Variants in SGMS1 observed in about 807,000 individuals in gnomAD.
The protein encoded by SGMS1 is phosphatidylcholine:ceramide cholinephosphotransferase 1.
SGMS1 carries 13 observed loss-of-function variants against 46.2 expected under a neutral mutation model. That is an observed-to-expected ratio of 0.28 (90% confidence interval 0.18 to 0.45). The LOEUF (loss-of-function observed/expected upper bound fraction) is 0.45. SGMS1 is among the 20% of genes least tolerant of loss of function. The pLI is 1.00. For synonymous variants in SGMS1, 203 were observed against 187.8 expected (o/e 1.08, Z -0.66); for missense variants, 324 against 519.9 (o/e 0.62, Z 3.66).
intron 6 of SGMS1, among the ~76,000 whole-genome samples, chr10:50,391,566 G>C (rs1848767553): frequency 6.6e-6 from 1 of 152,156 alleles, no homozygotes; most frequent in Non-Finnish European, 1.5e-5. Context: ...CACACCGCTG[G>C]TGGGAATGTA....
At chr10:50,335,071 A>G (rs1056769572) in intron 7 of SGMS1, 17 of 152,406 alleles carry the variant, frequency 1.1e-4, no homozygotes, top group African/African-American at 1.9e-4. Flanking sequence ...TTAATGCCAT[A>G]TGAGGTGGAA....
At position 50,511,872 on chromosome 10, in the gene SGMS1, T is replaced by C. The variant is rs566007312; in HGVS notation, c.-498+7959A>G. On this transcript the variant is annotated intron_variant, in intron 3 of 10. Transcript: ENST00000361781. Reference sequence around the variant, plus strand: ...CCCTTCTAACCTGTACATAATTTTGTCATTAATCTCTAATGCTATTTGTCC... The same window carrying C: ...CCCTTCTAACCTGTACATAATTTTGCCATTAATCTCTAATGCTATTTGTCC... Among the ~76,000 whole-genome samples the C allele has an allele frequency of 1.1e-4, 16 of 152,320 alleles. No individual in the cohort carries two copies. The South Asian group carries it at 3.1e-3, about 30-fold the overall frequency.
In SGMS1 at chr10:50,307,039, T is replaced by C. The variant is rs1394157755; in HGVS notation, c.*103A>G. 3.8e-5 allele frequency: 44 copies of C among 1,161,908 alleles called. No individual in the cohort carries two copies. In the East Asian group the frequency reaches 7.6e-4, roughly 20 times the overall value. 72.0% of individuals were successfully genotyped at this position (1,161,908 alleles called of 1,614,324 possible). Reference sequence around the variant, plus strand: ...TCAATAGGTTAAGTCAAGGTAACCATTGAAAGATAATAGGATTAGGGAGGT... The same window carrying C: ...TCAATAGGTTAAGTCAAGGTAACCACTGAAAGATAATAGGATTAGGGAGGT... On this transcript the variant is annotated 3_prime_UTR_variant, in exon 11 of 11. Coordinates refer to ENST00000361781, the MANE Select transcript of SGMS1 (RefSeq NM_147156.4). The surrounding 1 kb of genome is among the most constrained non-coding windows in gnomAD (Gnocchi z 4.2).
intron 1 of SGMS1, among the ~76,000 whole-genome samples, chr10:50,597,183 T>C (rs1328504812): frequency 6.6e-6 from 1 of 152,214 alleles, no homozygotes; most frequent in African/African-American, 2.4e-5. Flanking sequence ...CATATCGTAA[T>C]GGGCACAAGA....
intron 2 of SGMS1, among the ~76,000 whole-genome samples, chr10:50,577,426 G>A (rs1838395095): frequency 6.6e-6 from 1 of 152,104 alleles, no homozygotes; most frequent in African/African-American, 2.4e-5. Context: ...AGAAAGGCAG[G>A]AGTAGCTAAT....
intron 6 of SGMS1, among the ~76,000 whole-genome samples, chr10:50,344,747 T>C (rs1847888275): frequency 6.6e-6 from 1 of 151,952 alleles, no homozygotes; most frequent in Non-Finnish European, 1.5e-5. Context: ...CGGGCGCCTG[T>C]AGTCCCAGCT....
In SGMS1 at chr10:50,458,699, A is replaced by G. The variant is rs576988271; in HGVS notation, c.-313+1974T>C. On this transcript the variant is annotated intron_variant, in intron 5 of 10. Coordinates refer to ENST00000361781, the MANE Select transcript of SGMS1 (RefSeq NM_147156.4). ...TCACATGAGCTTGGGTAAGTTTCAC[A>G]ATATTATAAACCTCAGTGTATTCAT... is the stretch of plus-strand genomic sequence containing the variant. Among the ~76,000 whole-genome samples, 233 of 152,142 alleles carry G rather than the reference A, an allele frequency of 1.5e-3. 2 individuals carry two copies. Among genetic ancestry groups the G allele is most frequent in the Non-Finnish European group, 2.5e-3 (171 of 68,000 alleles).
intron 5 of SGMS1, among the ~76,000 whole-genome samples, chr10:50,443,975 T>C (rs1431206243): frequency 6.6e-6 from 1 of 152,086 alleles, no homozygotes; most frequent in Non-Finnish European, 1.5e-5. Flanking sequence ...TATTGTGATC[T>C]GCAGAGTAAC....
chr10:50,523,921 G>A (rs1166521254), intron 2 of SGMS1, among the ~76,000 whole-genome samples: 4 of 152,200 alleles, frequency 2.6e-5, no homozygotes, highest in South Asian at 2.1e-4. Context: ...ACACACACAC[G>A]CAGCATTCCA....
chr10:50,600,065 G>T (rs1477622718), intron 1 of SGMS1, among the ~76,000 whole-genome samples: 1 of 152,156 alleles, frequency 6.6e-6, no homozygotes, highest in African/African-American at 2.4e-5. Flanking sequence ...GTGACCCCAA[G>T]GCGGCATATA....
chr10:50,613,111 T>C (rs1046719014), intron 1 of SGMS1, among the ~76,000 whole-genome samples: 1 of 152,158 alleles, frequency 6.6e-6, no homozygotes, highest in Non-Finnish European at 1.5e-5. Context: ...TCACTAAAAA[T>C]GAAAACCTCA....
At chr10:50,372,731 A>C (rs1848460257) in intron 6 of SGMS1, among the ~76,000 whole-genome samples, 1 of 140,238 alleles carries the variant, frequency 7.1e-6, no homozygotes, top group Non-Finnish European at 1.6e-5. Flanking sequence ...AGATTTTTAC[A>C]TGGGAAAGTA....
At chr10:50,433,652 G>GA (rs1241112479) in intron 5 of SGMS1, 96 bp from the exon 6 acceptor site, 1 of 152,184 alleles carries the variant, frequency 6.6e-6, no homozygotes, top group Non-Finnish European at 1.5e-5. Flanking sequence ...ACAAGACATA[G>GA]AAAAGTCCAG....
intron 2 of SGMS1, among the ~76,000 whole-genome samples, chr10:50,578,098 AAG>A (rs1838401006): frequency 6.6e-6 from 1 of 152,248 alleles, no homozygotes; most frequent in Admixed American, 6.5e-5. Flanking sequence ...CCTATAGTAA[AAG>A]AACCACTCTG....
intron 9 of SGMS1, 63 bp from the exon 10 acceptor site, chr10:50,308,211 T>A (rs1210614150): frequency 1.4e-6 from 2 of 1,444,230 alleles, no homozygotes; most frequent in African/African-American, 1.4e-5. Flanking sequence ...CACCCAACTA[T>A]GCCTCTACTA....
intron 7 of SGMS1, among the ~76,000 whole-genome samples, chr10:50,337,229 T>C (rs936270546): frequency 6.6e-6 from 1 of 152,180 alleles, no homozygotes; most frequent in Non-Finnish European, 1.5e-5. Context: ...TCCCAGAATA[T>C]AACCCCCATT....
intron 8 of SGMS1, among the ~76,000 whole-genome samples, chr10:50,314,011 A>G (rs1301457829): frequency 6.6e-6 from 1 of 152,218 alleles, no homozygotes; most frequent in East Asian, 1.9e-4. Context: ...AAAAGCAAAC[A>G]AAATACAAGA....
chr10:50,334,740 A>G (rs896822422), intron 7 of SGMS1: 1 of 152,260 alleles, frequency 6.6e-6, no homozygotes, highest in Non-Finnish European at 1.5e-5. Context: ...AACAGAATGG[A>G]CAAACATCCT....
At chr10:50,556,138 C>T (rs1031087337) in intron 2 of SGMS1, among the ~76,000 whole-genome samples, 1 of 152,194 alleles carries the variant, frequency 6.6e-6, no homozygotes, top group African/African-American at 2.4e-5. Context: ...ACAACAGCCT[C>T]CTAATACAAC....
Sources: allele counts gnomAD v4.1 joint callset (sites outside exome capture counted in the v4.1 genomes callset), GRCh38; gene constraint gnomAD v4.1.1; non-coding constraint Gnocchi (gnomAD v3.1); transcripts MANE v1.5; gene names NCBI Gene and HGNC (gene_info 2026-07-23, HGNC 2026-07-21).